The following MCTP1 variants were observed in gnomAD, a reference collection of about 807,000 sequenced individuals.
The protein encoded by MCTP1 is multiple C2 and transmembrane domain containing 1.
In MCTP1, 69 loss-of-function variants were observed where a neutral mutation model predicts 120.6. The observed-to-expected ratio is 0.57, with a 90% CI of 0.47 to 0.70. The LOEUF (loss-of-function observed/expected upper bound fraction) is 0.70. Ranked by LOEUF, MCTP1 falls within the 30% of genes least tolerant of loss-of-function variation. MCTP1 has a pLI of 0.00. For missense variants in MCTP1, 1,203 were observed against 1,248.8 expected, an observed-to-expected ratio of 0.96 and a Z score of 0.55; for synonymous variants, 529 against 493.1, an observed-to-expected ratio of 1.07 and a Z score of -0.96.
At chr5:95,148,685 A>G (rs1041549886) in intron 1 of MCTP1, among the ~76,000 whole-genome samples, 2 of 152,174 alleles carry the variant, frequency 1.3e-5, no homozygotes, top group Non-Finnish European at 2.9e-5. Flanking sequence ...TCTGAATTCT[A>G]TAACTATAAT....
chr5:95,050,585 A>G (rs1745639521), intron 1 of MCTP1, among the ~76,000 whole-genome samples: 2 of 152,226 alleles, frequency 1.3e-5, no homozygotes, highest in African/African-American at 4.8e-5. Flanking sequence ...CCCAGGTATC[A>G]TAGCTTCTCA....
intron 17 of MCTP1, among the ~76,000 whole-genome samples, chr5:94,799,739 T>C (rs1780805220): frequency 6.6e-6 from 1 of 152,176 alleles, no homozygotes; most frequent in South Asian, 2.1e-4. Context: ...CAAAACAAAT[T>C]TTAAAATGCC....
At chr5:95,086,338 C>G (rs1232149729) in intron 1 of MCTP1, among the ~76,000 whole-genome samples, 1 of 152,048 alleles carries the variant, frequency 6.6e-6, no homozygotes, top group African/African-American at 2.4e-5. Flanking sequence ...AAGAAAAATA[C>G]TTGGAGGCAG....
At chr5:94,712,397 A>G (rs1757365287) in intron 20 of MCTP1, among the ~76,000 whole-genome samples, 1 of 146,588 alleles carries the variant, frequency 6.8e-6, no homozygotes, top group Non-Finnish European at 1.5e-5. Context: ...CTGGTATTGT[A>G]TATTGTACTT....
chr5:94,847,998 G>A lies in MCTP1; in HGVS notation c.2436+20335C>T, dbSNP rs115301446. Among the ~76,000 whole-genome samples the A allele has an allele frequency of 5.3e-3, 811 of 152,080 alleles. 11 individuals are homozygous for A. Among genetic ancestry groups the A allele is most frequent in the African/African-American group, 0.019 (770 of 41,498 alleles). Reference sequence around the variant, plus strand: ...AGACTGCAGGTCCTTCACCTGCTTGGTATCCTCCTAAGCCTTGGTTTGGGG... The same window carrying A: ...AGACTGCAGGTCCTTCACCTGCTTGATATCCTCCTAAGCCTTGGTTTGGGG... On this transcript the variant is annotated intron_variant, in intron 17 of 22. Transcript: ENST00000515393.
chr5:95,098,330 T>C (rs574077181), intron 1 of MCTP1, among the ~76,000 whole-genome samples: 5 of 152,352 alleles, frequency 3.3e-5, no homozygotes, highest in Non-Finnish European at 7.4e-5. Flanking sequence ...AGAAAGAATA[T>C]TAACCCTTAA....
chr5:95,148,293 T>C (rs1667062935), intron 1 of MCTP1, among the ~76,000 whole-genome samples: 1 of 136,482 alleles, frequency 7.3e-6, no homozygotes, highest in African/African-American at 2.7e-5. Flanking sequence ...CATCCTCAAG[T>C]ATGTTTTCCA....
intron 1 of MCTP1, among the ~76,000 whole-genome samples, chr5:95,219,158 G>A (rs1166911931): frequency 2.0e-5 from 3 of 152,076 alleles, no homozygotes; most frequent in African/African-American, 7.2e-5. Flanking sequence ...AAGGCGGGTG[G>A]ATCATGCGGT....
At chr5:95,267,975 T>TGACCAA (rs1759042395) in intron 1 of MCTP1, among the ~76,000 whole-genome samples, 1 of 152,256 alleles carries the variant, frequency 6.6e-6, no homozygotes, top group South Asian at 2.1e-4. Context: ...TGAAGAAATC[T>TGACCAA]GACCAACTCC....
intron 1 of MCTP1, among the ~76,000 whole-genome samples, chr5:95,118,593 G>C (rs900188458): frequency 6.6e-6 from 1 of 152,114 alleles, no homozygotes; most frequent in African/African-American, 2.4e-5. Context: ...ACATAGAGTG[G>C]CTGAATGGAT....
rs1176920892 is a variant in MCTP1 at position 94,965,933 on chromosome 5, G to A, written c.839-12572C>T. On this transcript the variant is annotated intron_variant, in intron 2 of 22. Coordinates refer to ENST00000515393, the MANE Select transcript of MCTP1 (RefSeq NM_024717.7). ...GCAATATCTTTGAAGCAGAGACCAG[G>A]CCCTTACTGGACACCAAACCGGCCG... 2.0e-5 allele frequency among the ~76,000 whole-genome samples: 3 copies of A among 152,232 alleles called. No individual in the cohort carries two copies. In the East Asian group the frequency reaches 5.8e-4, roughly 29 times the overall value.
intron 5 of MCTP1, among the ~76,000 whole-genome samples, chr5:94,933,781 G>A (rs1815414537): frequency 6.6e-6 from 1 of 151,784 alleles, no homozygotes; most frequent in African/African-American, 2.4e-5. Context: ...ATTCCACAAA[G>A]TCACATCCCC....
chr5:94,799,106 A>G lies in MCTP1; in HGVS notation c.2463T>C (p.Phe821=), dbSNP rs1780669341. ...AAACCAGTGGTATCATGTAGAGCTC[A>G]AAGTTCCAGACAACAAAGAGAAAGA... ...FVLFLFVVWN[F]ELYMIPLVLL... The change falls in exon 18 of 23, where the codon TTT becomes TTC. Residue 821 remains phenylalanine, a synonymous_variant. Transcript: ENST00000515393. 3.1e-6 allele frequency: 5 copies of G among 1,612,120 alleles called. No homozygotes were observed. Among genetic ancestry groups the G allele is most frequent in the Non-Finnish European group, 3.4e-6 (4 of 1,178,720 alleles).
chr5:95,106,401 A>G (rs1048322405), intron 1 of MCTP1, among the ~76,000 whole-genome samples: 1 of 152,316 alleles, frequency 6.6e-6, no homozygotes, highest in African/African-American at 2.4e-5. Flanking sequence ...CACTACTCAG[A>G]GGAGAGCAGA....
intron 1 of MCTP1, among the ~76,000 whole-genome samples, chr5:95,145,800 G>A (rs1442965766): frequency 6.6e-6 from 1 of 152,188 alleles, no homozygotes; most frequent in African/African-American, 2.4e-5. Context: ...CTAGTATTTT[G>A]TTGGGAATTT....
At chr5:94,928,160 T>G (rs1167925552) in intron 6 of MCTP1, among the ~76,000 whole-genome samples, 2 of 151,898 alleles carry the variant, frequency 1.3e-5, no homozygotes, top group Non-Finnish European at 2.9e-5. Context: ...CACATAAGTT[T>G]ATTATTATCT....
chr5:94,783,378 T>C (rs552861021), intron 18 of MCTP1, among the ~76,000 whole-genome samples: 50 of 152,270 alleles, frequency 3.3e-4, no homozygotes, highest in Non-Finnish European at 7.1e-4. Flanking sequence ...GACCATATAT[T>C]TTATGTGGTT....
At chr5:94,919,758 T>C (rs1363173964) in intron 7 of MCTP1, among the ~76,000 whole-genome samples, 1 of 152,374 alleles carries the variant, frequency 6.6e-6, no homozygotes, top group East Asian at 1.9e-4. Flanking sequence ...TTCTATCTTT[T>C]GCTTTTCCTG....
chr5:95,074,313 G>A (rs1448070334), intron 1 of MCTP1, among the ~76,000 whole-genome samples: 2 of 152,176 alleles, frequency 1.3e-5, no homozygotes, highest in Non-Finnish European at 2.9e-5. Context: ...AGGTGTAGAG[G>A]ACTGAGCACT....
Sources: allele counts gnomAD v4.1 joint callset (sites outside exome capture counted in the v4.1 genomes callset), GRCh38; gene constraint gnomAD v4.1.1; transcripts MANE v1.5; gene names NCBI Gene and HGNC (gene_info 2026-07-23, HGNC 2026-07-21).